MGAT4C: variants seen among roughly 807,000 people sequenced by gnomAD.
MGAT4C encodes alpha-1,3-mannosyl-glycoprotein 4-beta-N-acetylglucosaminyltransferase C.
A neutral mutation model predicts 40.1 loss-of-function variants in MGAT4C; 19 were observed. The ratio of observed to expected loss-of-function variants is 0.47; its 90% CI spans 0.33 to 0.70. MGAT4C has a LOEUF of 0.70. Ranked by LOEUF, MGAT4C falls within the 30% of genes least tolerant of loss-of-function variation. MGAT4C has a pLI of 0.02. For synonymous variants in MGAT4C, 181 were observed against 187.1 expected (o/e 0.97, Z 0.27); for missense variants, 491 against 563.2 (o/e 0.87, Z 1.30).
rs1491205400 is a variant in MGAT4C at position 86,420,933 on chromosome 12, A to ATG, written c.-120+14222_-120+14223dup. On this transcript the variant is annotated intron_variant, in intron 3 of 7. Coordinates refer to the MGAT4C transcript ENST00000548651. The stretch of plus-strand genomic sequence containing the variant: ...TATGTGTATATATACATACATATAC[A>ATG]TGTGTATATATATACTTTTTCTGGT... Among the ~76,000 whole-genome samples the ATG allele has an allele frequency of 8.6e-5, 13 of 151,546 alleles. No homozygotes were observed. The South Asian group carries it at 2.5e-3, about 29-fold the overall frequency.
At chr12:86,821,019 C>T (rs966194372) in intron 1 of MGAT4C, among the ~76,000 whole-genome samples, 4 of 150,794 alleles carry the variant, frequency 2.7e-5, no homozygotes, top group South Asian at 2.1e-4. Context: ...TTAGCCCATG[C>T]TGGAAGCCTT....
Position 86,657,804 on chromosome 12 carries a change from A to G in MGAT4C, c.-229+69405T>C, listed in dbSNP as rs112857772. Among the ~76,000 whole-genome samples the G allele has an allele frequency of 3.7e-3, 568 of 152,118 alleles. 4 individuals are homozygous for G. The highest frequency in any genetic ancestry group is 0.013 in the African/African-American group (552 of 41,564). ...TTAAACCAGCAAAGCAAATTAAAAT[A>G]CAGTGAAATATTTTCACTGAAAAGG... On this transcript the variant is annotated intron_variant, in intron 2 of 7. Transcript: ENST00000548651.
intron 3 of MGAT4C, among the ~76,000 whole-genome samples, chr12:86,431,686 A>G (rs772089889): frequency 1.3e-5 from 2 of 152,146 alleles, no homozygotes; most frequent in African/African-American, 2.4e-5. Context: ...TATACTGTAG[A>G]GTATCAATTA....
chr12:86,148,282 C>A (rs1199122679), intron 1 of MGAT4C, among the ~76,000 whole-genome samples: 1 of 152,150 alleles, frequency 6.6e-6, no homozygotes, highest in Non-Finnish European at 1.5e-5. Context: ...CGACAAGCCT[C>A]CATGATGCAG....
At position 86,292,287 on chromosome 12, in the gene MGAT4C, AT is replaced by A. The variant is rs548777607; in HGVS notation, c.-57+41777del. ...TAATTTTATAATGAACTATTAAAAT[AT>A]TTTTTTAAAATATCATATTTTAGAT... On this transcript the variant is annotated intron_variant, in intron 4 of 7. Coordinates refer to the MGAT4C transcript ENST00000548651. 2.6e-3 allele frequency among the ~76,000 whole-genome samples: 394 copies of A among 152,024 alleles called. 1 individual carries two copies. The highest frequency in any genetic ancestry group is 8.5e-3 in the African/African-American group (352 of 41,536).
intron 2 of MGAT4C, among the ~76,000 whole-genome samples, chr12:86,655,189 C>A (rs1484273473): frequency 1.3e-5 from 2 of 151,926 alleles, no homozygotes; most frequent in Non-Finnish European, 2.9e-5. Flanking sequence ...TCCCCCTGTC[C>A]CCCAGCCCCC....
At chr12:86,244,899 C>T (rs1007336733) in intron 1 of MGAT4C, among the ~76,000 whole-genome samples, 5 of 152,146 alleles carry the variant, frequency 3.3e-5, no homozygotes, top group African/African-American at 9.7e-5. Context: ...TTATAAGGGA[C>T]AGCATTTATC....
In MGAT4C at chr12:86,308,437, A is replaced by G. The variant is rs954282213; in HGVS notation, c.-57+25628T>C. Reference sequence around the variant, plus strand: ...ACAAATCTCTTAAGGCTTATTACCAATAACAAATCCAAATTCTCTTTCACT... The same window carrying G: ...ACAAATCTCTTAAGGCTTATTACCAGTAACAAATCCAAATTCTCTTTCACT... On this transcript the variant is annotated intron_variant, in intron 4 of 7. Transcript: ENST00000548651. Among the ~76,000 whole-genome samples the G allele has an allele frequency of 1.3e-4, 20 of 150,618 alleles. 2 individuals carry two copies. The highest frequency in any genetic ancestry group is 5.0e-4 in the African/African-American group (20 of 40,022).
intron 2 of MGAT4C, among the ~76,000 whole-genome samples, chr12:85,995,054 C>T (rs1230070669): frequency 6.6e-6 from 1 of 152,132 alleles, no homozygotes; most frequent in Admixed American, 6.6e-5. Flanking sequence ...AACATTTTTA[C>T]CCAGCATTTC....
chr12:86,241,340 A>G (rs758294477), intron 1 of MGAT4C, among the ~76,000 whole-genome samples: 8 of 152,102 alleles, frequency 5.3e-5, no homozygotes, highest in Non-Finnish European at 1.2e-4. Flanking sequence ...CATCTTTACT[A>G]CTACGGAAGC....
At chr12:86,578,063 T>G (rs1171137707) in intron 2 of MGAT4C, among the ~76,000 whole-genome samples, 1 of 151,720 alleles carries the variant, frequency 6.6e-6, no homozygotes, top group Non-Finnish European at 1.5e-5. Context: ...TTTATAAGAT[T>G]GTTATTTCTG....
At chr12:86,502,482 A>G (rs2136335295) in intron 2 of MGAT4C, among the ~76,000 whole-genome samples, 1 of 151,986 alleles carries the variant, frequency 6.6e-6, no homozygotes, top group East Asian at 1.9e-4. Flanking sequence ...CACAGAGCAA[A>G]CTGCAAAGTT....
In MGAT4C at chr12:86,369,874, A is replaced by G. The variant is rs974010684; in HGVS notation, c.-119-35747T>C. ...TTATGCTGTTTAATTCATTTTGTAA[A>G]TGCAGATTTAGTACTATTTTCTCTG... On this transcript the variant is annotated intron_variant, in intron 3 of 7. Coordinates refer to the MGAT4C transcript ENST00000548651. Among the ~76,000 whole-genome samples the G allele has an allele frequency of 1.2e-4, 19 of 152,070 alleles. No individual in the cohort carries two copies. The East Asian group carries it at 3.7e-3, about 29-fold the overall frequency.
Position 86,130,539 on chromosome 12 carries a change from T to A in MGAT4C, c.-56-80816A>T, listed in dbSNP as rs1593021871. Among the ~76,000 whole-genome samples the A allele has an allele frequency of 2.0e-5, 3 of 152,242 alleles. 1 individual carries two copies. In the Middle Eastern group the frequency reaches 0.01, roughly 529 times the overall value. On this transcript the variant is annotated intron_variant, in intron 1 of 4. Transcript: ENST00000611864. ...GGCTGACTTGAACATGATATCTGAA[T>A]AAGAAAATTCTCTAGTGTTGCTTTT...
At chr12:86,540,523 G>A (rs1406899557) in intron 2 of MGAT4C, among the ~76,000 whole-genome samples, 2 of 152,140 alleles carry the variant, frequency 1.3e-5, no homozygotes. Context: ...AGATCACGAG[G>A]TCAGGAGTTT....
At chr12:86,238,568 T>C (rs1951648538) in intron 1 of MGAT4C, among the ~76,000 whole-genome samples, 1 of 152,072 alleles carries the variant, frequency 6.6e-6, no homozygotes. Flanking sequence ...CAGATATAGC[T>C]TCATAGTAGA....
intron 3 of MGAT4C, among the ~76,000 whole-genome samples, chr12:86,344,219 G>A (rs1237696552): frequency 6.6e-6 from 1 of 152,028 alleles, no homozygotes; most frequent in Middle Eastern, 3.2e-3. Context: ...AGGTATGGAT[G>A]GACTCAATAC....
intron 1 of MGAT4C, among the ~76,000 whole-genome samples, chr12:86,131,322 A>T (rs1881145526): frequency 6.6e-6 from 1 of 152,084 alleles, no homozygotes. Context: ...GATCCAGGCA[A>T]ATGACCCTTA....
intron 2 of MGAT4C, among the ~76,000 whole-genome samples, chr12:86,544,894 A>G (rs1330900251): frequency 1.3e-5 from 2 of 152,112 alleles, no homozygotes; most frequent in African/African-American, 4.8e-5. Flanking sequence ...AAATGAAAAA[A>G]AGATAACTGA....
Sources: allele counts gnomAD v4.1 joint callset (sites outside exome capture counted in the v4.1 genomes callset), GRCh38; gene constraint gnomAD v4.1.1; transcripts MANE v1.5; gene names NCBI Gene and HGNC (gene_info 2026-07-23, HGNC 2026-07-21).